STPG2: variants seen among roughly 807,000 people sequenced by gnomAD.
STPG2 encodes sperm-tail PG-rich repeat-containing protein 2.
A neutral mutation model predicts 54.2 loss-of-function variants in STPG2; 56 were observed. The ratio of observed to expected loss-of-function variants is 1.03; its 90% CI spans 0.83 to 1.29. The LOEUF (loss-of-function observed/expected upper bound fraction) is 1.29. STPG2 is among the 50% of genes most tolerant of loss of function. The probability of loss-of-function intolerance (pLI) is 0.00; values close to 1 mark genes in which losing one functional copy is unlikely to be tolerated. For synonymous variants in STPG2, 200 were observed against 181.8 expected (o/e 1.10, Z -0.81); for missense variants, 596 against 544.9 (o/e 1.09, Z -0.93).
At chr4:97,727,981 T>C (rs1422628076) in intron 9 of STPG2, among the ~76,000 whole-genome samples, 1 of 151,990 alleles carries the variant, frequency 6.6e-6, no homozygotes, top group Non-Finnish European at 1.5e-5. Flanking sequence ...TATATCATCT[T>C]TGGTTTTGGA....
At chr4:97,481,427 T>C (rs114111325) in intron 4 of STPG2, among the ~76,000 whole-genome samples, 3,190 of 151,694 alleles carry the variant, frequency 0.021, 61 homozygotes, top group Middle Eastern at 0.054. Flanking sequence ...GGTCTTTCTA[T>C]TGTGTTTCAT....
intron 8 of STPG2, among the ~76,000 whole-genome samples, chr4:97,871,506 A>G (rs548488608): frequency 6.6e-6 from 1 of 151,270 alleles, no homozygotes; most frequent in African/African-American, 2.4e-5. Context: ...AAAAAGTCAT[A>G]CTAGTCTACT....
At chr4:97,664,897 C>T (rs1039670655) in intron 10 of STPG2, among the ~76,000 whole-genome samples, 2 of 151,850 alleles carry the variant, frequency 1.3e-5, no homozygotes, top group African/African-American at 4.8e-5. Flanking sequence ...AGCAGAGTGG[C>T]GAGGGGTGTG....
chr4:97,874,806 A>T (rs1440623457), intron 8 of STPG2, among the ~76,000 whole-genome samples: 1 of 151,680 alleles, frequency 6.6e-6, no homozygotes, highest in Non-Finnish European at 1.5e-5. Context: ...TTATGTCATG[A>T]GGGTGGAGCC....
intron 10 of STPG2, among the ~76,000 whole-genome samples, chr4:97,697,747 G>A (rs111910696): frequency 1.3e-5 from 2 of 152,266 alleles, no homozygotes; most frequent in African/African-American, 4.8e-5. Context: ...TTACCGAAAT[G>A]AGGGCAAGTA....
intron 8 of STPG2, among the ~76,000 whole-genome samples, chr4:97,848,426 G>A (rs968930079): frequency 6.6e-5 from 10 of 151,958 alleles, no homozygotes; most frequent in South Asian, 2.1e-4. Context: ...CAAATTTATC[G>A]AGTAATTTTT....
chr4:97,477,476 G>GTTTTT (rs1018809087), intron 4 of STPG2, among the ~76,000 whole-genome samples: 5 of 120,396 alleles, frequency 4.2e-5, no homozygotes, highest in African/African-American at 9.2e-5. Flanking sequence ...TTCCTTTTTT[G>GTTTTT]TTTTTTTTTT....
intron 5 of STPG2, among the ~76,000 whole-genome samples, chr4:98,088,511 T>C (rs1467159588): frequency 2.6e-5 from 4 of 152,166 alleles, no homozygotes. Context: ...CTCACTTCAA[T>C]AAATGCTTCT....
chr4:97,785,657 A>T (rs568490454), intron 9 of STPG2, among the ~76,000 whole-genome samples: 2 of 152,234 alleles, frequency 1.3e-5, no homozygotes, highest in South Asian at 4.1e-4. Flanking sequence ...ATGTATCAGG[A>T]TATAAAAAAT....
intron 8 of STPG2, among the ~76,000 whole-genome samples, chr4:97,905,137 T>C (rs936176798): frequency 2.6e-5 from 4 of 150,972 alleles, no homozygotes; most frequent in Admixed American, 2.6e-4. Flanking sequence ...GAAGAGCAAC[T>C]CCAAGACACA....
At chr4:97,587,166 G>C (rs1160002913) in intron 10 of STPG2, among the ~76,000 whole-genome samples, 2 of 151,780 alleles carry the variant, frequency 1.3e-5, no homozygotes, top group African/African-American at 4.8e-5. Flanking sequence ...TAAATATTTA[G>C]TAAATGGATG....
chr4:97,726,187 A>G (rs1211889065), intron 9 of STPG2, among the ~76,000 whole-genome samples: 1 of 151,930 alleles, frequency 6.6e-6, no homozygotes, highest in Non-Finnish European at 1.5e-5. Context: ...ATGAGAATCA[A>G]CTCAAGAAAA....
intron 5 of STPG2, among the ~76,000 whole-genome samples, chr4:98,101,548 C>T (rs746740214): frequency 6.6e-6 from 1 of 152,086 alleles, no homozygotes; most frequent in Non-Finnish European, 1.5e-5. Context: ...TTCTAGGTAG[C>T]AGCCAGAAAA....
intron 5 of STPG2, among the ~76,000 whole-genome samples, chr4:98,066,484 G>A (rs879355213): frequency 3.9e-5 from 6 of 152,156 alleles, no homozygotes; most frequent in Admixed American, 1.3e-4. Context: ...AGCTACTCGG[G>A]AGGCTAAGGC....
chr4:97,849,734 C>T (rs1729090124), intron 8 of STPG2, among the ~76,000 whole-genome samples: 1 of 151,444 alleles, frequency 6.6e-6, no homozygotes, highest in South Asian at 2.1e-4. Flanking sequence ...CCATCTCACA[C>T]CAGTTAGAAT....
At chr4:97,631,710 C>T (rs1174103325) in intron 10 of STPG2, among the ~76,000 whole-genome samples, 1 of 151,948 alleles carries the variant, frequency 6.6e-6, no homozygotes, top group Non-Finnish European at 1.5e-5. Context: ...AGGAACAAAG[C>T]CTGAGAATGT....
intron 9 of STPG2, among the ~76,000 whole-genome samples, chr4:97,831,255 T>A (rs187668442): frequency 2.0e-5 from 3 of 151,978 alleles, no homozygotes; most frequent in African/African-American, 7.2e-5. Context: ...AACTGAACAA[T>A]CTGCTCCTGA....
chr4:97,743,837 T>G (rs1725342150), intron 9 of STPG2, among the ~76,000 whole-genome samples: 1 of 151,472 alleles, frequency 6.6e-6, no homozygotes, highest in Non-Finnish European at 1.5e-5. Context: ...AGAGGACATT[T>G]TAGATAGGAG....
At chr4:97,482,951 C>A (rs893647723) in intron 4 of STPG2, among the ~76,000 whole-genome samples, 3 of 151,578 alleles carry the variant, frequency 2.0e-5, no homozygotes, top group African/African-American at 7.3e-5. Flanking sequence ...TTGTATCCAG[C>A]AAAACTAAGT....
Sources: allele counts gnomAD v4.1 joint callset (sites outside exome capture counted in the v4.1 genomes callset), GRCh38; gene constraint gnomAD v4.1.1; transcripts MANE v1.5; gene names NCBI Gene and HGNC (gene_info 2026-07-23, HGNC 2026-07-21).